GSE1: variants seen among roughly 807,000 people sequenced by gnomAD.
GSE1 encodes the protein genetic suppressor element 1.
A neutral mutation model predicts 112.6 loss-of-function variants in GSE1; 32 were observed. That is an observed-to-expected ratio of 0.28 (90% confidence interval 0.21 to 0.38). GSE1 has a LOEUF of 0.38. GSE1 is among the 10% of genes least tolerant of loss of function. GSE1 has a pLI of 1.00. For missense variants in GSE1, 2,348 were observed against 1,699.2 expected (o/e 1.38, Z -6.71); for synonymous variants, 1,115 against 735.6 (o/e 1.52, Z -8.35).
chr16:85,497,122 C>T (rs1421569689), intron 2 of GSE1, among the ~76,000 whole-genome samples: 1 of 152,200 alleles, frequency 6.6e-6, no homozygotes, highest in African/African-American at 2.4e-5. Context: ...TGGTCTTGAA[C>T]TCCTGACCTC....
intron 2 of GSE1, among the ~76,000 whole-genome samples, chr16:85,369,392 T>G (rs1325531424): frequency 6.9e-6 from 1 of 144,374 alleles, no homozygotes; most frequent in Non-Finnish European, 1.5e-5. Context: ...AATGTTTGTA[T>G]TTTTGTAGAG....
At chr16:85,354,717 G>A (rs2046916451) in intron 1 of GSE1, among the ~76,000 whole-genome samples, 1 of 152,242 alleles carries the variant, frequency 6.6e-6, no homozygotes, top group South Asian at 2.1e-4. Context: ...GCATGACCGG[G>A]TGCTGCCCCA....
At chr16:85,361,214 GACGCACACGGGGCAGAGACACAC>G (rs1567711842) in intron 2 of GSE1, among the ~76,000 whole-genome samples, 6 of 110,470 alleles carry the variant, frequency 5.4e-5, no homozygotes, top group African/African-American at 1.5e-4. Context: ...CAAACACACA[GACGCACACGGGGCAGAGACACAC>G]ATAGACAGGC....
At chr16:85,484,488 GT>G (rs2151879603) in intron 2 of GSE1, among the ~76,000 whole-genome samples, 1 of 152,396 alleles carries the variant, frequency 6.6e-6, no homozygotes, top group Non-Finnish European at 1.5e-5. Context: ...GTACACAGCC[GT>G]GGCGGAAACC....
intron 1 of GSE1, among the ~76,000 whole-genome samples, chr16:85,202,935 C>G (rs1303221233): frequency 6.6e-6 from 1 of 151,970 alleles, no homozygotes; most frequent in Non-Finnish European, 1.5e-5. Flanking sequence ...AGCCCTCGTC[C>G]TCTCCCTTCG....
At chr16:85,265,924 C>T (rs1319862199) in intron 1 of GSE1, among the ~76,000 whole-genome samples, 2 of 152,194 alleles carry the variant, frequency 1.3e-5, no homozygotes, top group African/African-American at 2.4e-5. Context: ...TTGACATTTT[C>T]TGGGTCCGCT....
intron 2 of GSE1, among the ~76,000 whole-genome samples, chr16:85,396,482 G>T (rs979968745): frequency 6.6e-6 from 1 of 152,238 alleles, no homozygotes; most frequent in African/African-American, 2.4e-5. Context: ...ATGCTGGGTG[G>T]AGGAGCCGCT....
intron 2 of GSE1, among the ~76,000 whole-genome samples, chr16:85,478,839 TTTTCTTTC>T (rs59687856): frequency 0.022 from 2,275 of 102,618 alleles, 100 homozygotes; most frequent in East Asian, 0.035. Flanking sequence ...CGCTCATTTA[TTTTCTTTC>T]TTTCTTTCTT....
chr16:85,515,503 G>A (rs111242304), intron 2 of GSE1, among the ~76,000 whole-genome samples: 6 of 152,332 alleles, frequency 3.9e-5, no homozygotes, highest in African/African-American at 9.6e-5. Context: ...GGGACGTGGG[G>A]GAAGGCAGGA....
intron 1 of GSE1, among the ~76,000 whole-genome samples, chr16:85,295,375 G>A (rs892777271): frequency 2.0e-5 from 3 of 152,222 alleles, no homozygotes; most frequent in Admixed American, 6.5e-5. Context: ...AGGTTCACGC[G>A]TGCTGCAGCG....
intron 2 of GSE1, among the ~76,000 whole-genome samples, chr16:85,440,227 G>T (rs2049344215): frequency 6.6e-6 from 1 of 152,254 alleles, no homozygotes; most frequent in South Asian, 2.1e-4. Context: ...TGAGGATCAG[G>T]AGACAGTCAG....
intron 2 of GSE1, among the ~76,000 whole-genome samples, chr16:85,550,275 C>T (rs1249479294): frequency 6.6e-6 from 1 of 152,140 alleles, no homozygotes; most frequent in Non-Finnish European, 1.5e-5. Context: ...CCCAGCTCTG[C>T]CACCCACTGG....
At chr16:85,656,261 G>C in intron 6 of GSE1, 82 bp from the exon 7 acceptor site, 2 of 1,544,750 alleles carry the variant, frequency 1.3e-6, no homozygotes, top group Non-Finnish European at 1.8e-6. Flanking sequence ...CTCGTTCCTG[G>C]TTATGCTTTT....
chr16:85,578,374 C>T (rs2046317635), intron 1 of GSE1, among the ~76,000 whole-genome samples: 1 of 152,220 alleles, frequency 6.6e-6, no homozygotes, highest in Non-Finnish European at 1.5e-5. Flanking sequence ...GACAGAGGCA[C>T]AAGTCACTGG....
At chr16:85,627,042 GC>G (rs2049130377) in intron 1 of GSE1, among the ~76,000 whole-genome samples, 2 of 25,068 alleles carry the variant, frequency 8.0e-5, no homozygotes, top group Non-Finnish European at 1.4e-4. Flanking sequence ...TTTTCTTCTT[GC>G]CTTTTTTTTT....
chr16:85,284,352 C>T (rs1032215659), intron 1 of GSE1, among the ~76,000 whole-genome samples: 1 of 152,148 alleles, frequency 6.6e-6, no homozygotes, highest in Non-Finnish European at 1.5e-5. Flanking sequence ...GAGAGGTCTC[C>T]CGGCGGGGGC....
intron 8 of GSE1, among the ~76,000 whole-genome samples, chr16:85,659,939 C>T (rs2052294635): frequency 6.6e-6 from 1 of 152,232 alleles, no homozygotes; most frequent in South Asian, 2.1e-4. Context: ...CACTGGGGGG[C>T]AGTCTCGGCA....
At chr16:85,275,712 G>T (rs1330138472) in intron 1 of GSE1, among the ~76,000 whole-genome samples, 3 of 152,228 alleles carry the variant, frequency 2.0e-5, no homozygotes, top group Non-Finnish European at 4.4e-5. Flanking sequence ...CTGTAAAGCT[G>T]CAGCCCTCCG....
chr16:85,572,694 C>T (rs1478594573), intron 1 of GSE1, among the ~76,000 whole-genome samples: 1 of 152,208 alleles, frequency 6.6e-6, no homozygotes, highest in Non-Finnish European at 1.5e-5. Context: ...TCTCCTCCCT[C>T]GGTTTCCGAG....
Sources: allele counts gnomAD v4.1 joint callset (sites outside exome capture counted in the v4.1 genomes callset), GRCh38; gene constraint gnomAD v4.1.1; transcripts MANE v1.5; gene names NCBI Gene and HGNC (gene_info 2026-07-23, HGNC 2026-07-21).